KCNJ3: variants seen among roughly 807,000 people sequenced by gnomAD.
KCNJ3 encodes the protein G protein-activated inward rectifier potassium channel 1.
Under a neutral mutation model 39.2 loss-of-function variants are expected in KCNJ3, and 4 were observed. The observed-to-expected ratio is 0.10, with a 90% CI of 0.05 to 0.23. The LOEUF is 0.23. Ranked by LOEUF, KCNJ3 falls within the 10% of genes least tolerant of loss-of-function variation. KCNJ3 has a pLI of 1.00. For missense variants in KCNJ3, 276 were observed against 634.9 expected, an observed-to-expected ratio of 0.43 and a Z score of 6.08; for synonymous variants, 230 against 237.4, an observed-to-expected ratio of 0.97 and a Z score of 0.29.
chr2:154,736,491 A>G (rs926604399), intron 2 of KCNJ3, among the ~76,000 whole-genome samples: 5 of 151,634 alleles, frequency 3.3e-5, no homozygotes, highest in African/African-American at 4.8e-5. Context: ...CTAAAACAAC[A>G]AAAACAAAAA....
rs1266476905 is a variant in KCNJ3, at chr2:154,856,326, T to G, written c.*1013T>G. On this transcript the variant is annotated 3_prime_UTR_variant, in exon 3 of 3. Transcript: ENST00000295101. ...CTGTGTGAAGTTACACAATTAATTG[T>G]CCCTGTTTCAAACTGAGTAAATTGG... The G allele has an allele frequency of 6.6e-6, 1 of 152,602 alleles. No individual in the cohort carries two copies. The highest frequency in any genetic ancestry group is 1.5e-5 in the Non-Finnish European group (1 of 68,000). The allele number at this position is 152,602 out of a possible 1,614,324, so 9.5% of individuals were successfully genotyped here.
chr2:154,835,539 T>C (rs1437429356), intron 2 of KCNJ3, among the ~76,000 whole-genome samples: 1 of 150,424 alleles, frequency 6.6e-6, no homozygotes, highest in East Asian at 2.0e-4. Context: ...ATTTTCTGGA[T>C]GACATAATAA....
chr2:154,757,743 A>C (rs2247803), intron 2 of KCNJ3, among the ~76,000 whole-genome samples: 40,517 of 152,140 alleles, frequency 0.27, 6,689 homozygotes, highest in East Asian at 0.44. Context: ...AAACACCAGC[A>C]GATCTGATAT....
intron 2 of KCNJ3, among the ~76,000 whole-genome samples, chr2:154,764,693 G>C (rs561613051): frequency 1.1e-4 from 14 of 129,496 alleles, no homozygotes; most frequent in African/African-American, 4.0e-4. Context: ...AACAATAGCT[G>C]ATAATCTAAT....
At chr2:154,805,279 G>A (rs1686890380) in intron 2 of KCNJ3, among the ~76,000 whole-genome samples, 1 of 152,078 alleles carries the variant, frequency 6.6e-6, no homozygotes, top group Admixed American at 6.6e-5. Context: ...ATGAAGTATT[G>A]CCATCAGCCT....
rs71422263 is a variant in KCNJ3, at chr2:154,821,635, A to ATTTTTTTTTT, written c.920-33077_920-33068dup. On this transcript the variant is annotated intron_variant, in intron 2 of 2. Transcript: ENST00000295101. ...CAAAAAAAGAAAAAGAGAATATGTGATTTTTTTTTTTTTTTTTTTTTTTTG... is the reference window on the plus strand; with the variant it reads ...CAAAAAAAGAAAAAGAGAATATGTGATTTTTTTTTTTTTTTTTTTTTTTTTTTTTTTTTTG... 7.2e-4 allele frequency among the ~76,000 whole-genome samples: 63 copies of ATTTTTTTTTT among 88,070 alleles called. 4 individuals are homozygous for ATTTTTTTTTT. Among genetic ancestry groups the ATTTTTTTTTT allele is most frequent in the Middle Eastern group, 0.01 (1 of 96 alleles). 57.8% of individuals were successfully genotyped at this position (88,070 alleles called of 152,430 possible). A position where few individuals can be genotyped will look rare whatever the true frequency, so the allele number is the denominator to read the frequency against.
At chr2:154,728,800 C>G (rs1159310498) in intron 2 of KCNJ3, among the ~76,000 whole-genome samples, 2 of 152,050 alleles carry the variant, frequency 1.3e-5, no homozygotes, top group Non-Finnish European at 2.9e-5. Flanking sequence ...TGAATAACTT[C>G]CCCTGGCCTT....
At chr2:154,754,419 A>G (rs1422857542) in intron 2 of KCNJ3, among the ~76,000 whole-genome samples, 1 of 151,932 alleles carries the variant, frequency 6.6e-6, no homozygotes, top group Non-Finnish European at 1.5e-5. Flanking sequence ...GATTCCAGGC[A>G]TGTGCCACCA....
chr2:154,854,650 G>T (rs1475945125), intron 2 of KCNJ3, 77 bp from the exon 3 acceptor site: 2 of 1,040,356 alleles, frequency 1.9e-6, no homozygotes, highest in Non-Finnish European at 2.8e-6. Context: ...AAAGTGAAAT[G>T]AATTATTTAG....
chr2:154,816,818 A>T (rs1225493162), intron 2 of KCNJ3, among the ~76,000 whole-genome samples: 1 of 152,142 alleles, frequency 6.6e-6, no homozygotes, highest in Non-Finnish European at 1.5e-5. Context: ...ACACATTCTA[A>T]AATATGGATG....
At chr2:154,758,564 T>A (rs775592966) in intron 2 of KCNJ3, among the ~76,000 whole-genome samples, 5 of 152,164 alleles carry the variant, frequency 3.3e-5, no homozygotes, top group African/African-American at 4.8e-5. Flanking sequence ...CTAGAAAAAA[T>A]GTCCTTACAT....
intron 2 of KCNJ3, among the ~76,000 whole-genome samples, chr2:154,785,555 G>C (rs112874755): frequency 8.5e-5 from 13 of 152,262 alleles, no homozygotes; most frequent in African/African-American, 3.1e-4. Context: ...TTAGTTACTA[G>C]GGGAGTGGGC....
intron 2 of KCNJ3, among the ~76,000 whole-genome samples, chr2:154,824,992 T>C (rs1015090509): frequency 2.0e-5 from 3 of 152,218 alleles, no homozygotes; most frequent in Admixed American, 2.0e-4. Flanking sequence ...GCAATCCGTT[T>C]TGAGTATTTC....
At chr2:154,825,288 T>C (rs1269416524) in intron 2 of KCNJ3, among the ~76,000 whole-genome samples, 4 of 152,180 alleles carry the variant, frequency 2.6e-5, no homozygotes, top group Non-Finnish European at 5.9e-5. Context: ...GTGCCTGTGA[T>C]GGAATTATCA....
intron 2 of KCNJ3, among the ~76,000 whole-genome samples, chr2:154,744,528 T>C (rs193074557): frequency 1.0e-3 from 157 of 151,992 alleles, no homozygotes; most frequent in African/African-American, 3.6e-3. Flanking sequence ...TATTCAGATG[T>C]TCTATTTCAT....
intron 2 of KCNJ3, among the ~76,000 whole-genome samples, chr2:154,768,045 C>G (rs191290001): frequency 1.3e-5 from 2 of 152,012 alleles, no homozygotes; most frequent in Non-Finnish European, 2.9e-5. Flanking sequence ...TTGATTTTTT[C>G]TTGTAAATTT....
rs575907635 is a variant in KCNJ3, at chr2:154,838,682, T to TTTTG, written c.920-16041_920-16038dup. On this transcript the variant is annotated intron_variant, in intron 2 of 2. Coordinates refer to ENST00000295101, the MANE Select transcript of KCNJ3 (RefSeq NM_002239.4). ...GGTTTATTTTTATTACCTATTTAAA[T>TTTTG]TTTGTTTATTTTATATAAATGTAAC... Among the ~76,000 whole-genome samples the TTTTG allele has an allele frequency of 3.5e-3, 527 of 152,334 alleles. 2 individuals carry two copies. The highest frequency in any genetic ancestry group is 6.8e-3 in the Middle Eastern group (2 of 294).
At chr2:154,720,443 C>A (rs1558855811) in intron 2 of KCNJ3, among the ~76,000 whole-genome samples, 1 of 152,020 alleles carries the variant, frequency 6.6e-6, no homozygotes, top group African/African-American at 2.4e-5. Context: ...ATCTTAGTCT[C>A]CCTTAAATTA....
chr2:154,739,527 C>A (rs1178282250), intron 2 of KCNJ3, among the ~76,000 whole-genome samples: 1 of 152,042 alleles, frequency 6.6e-6, no homozygotes, highest in Non-Finnish European at 1.5e-5. Flanking sequence ...AAGGACCATC[C>A]ATCCTTCTTC....
Sources: allele counts gnomAD v4.1 joint callset (sites outside exome capture counted in the v4.1 genomes callset), GRCh38; gene constraint gnomAD v4.1.1; transcripts MANE v1.5; gene names NCBI Gene and HGNC (gene_info 2026-07-23, HGNC 2026-07-21).